The following RSPH3 variants were observed in gnomAD, a reference collection of about 807,000 sequenced individuals.
RSPH3 encodes the protein radial spoke head protein 3 homolog.
In RSPH3, 21 loss-of-function variants were observed where a neutral mutation model predicts 43.8. The observed-to-expected ratio is 0.48, with a 90% confidence interval of 0.34 to 0.69. RSPH3 has a LOEUF of 0.69. RSPH3 is among the 30% of genes least tolerant of loss of function. The probability of loss-of-function intolerance (pLI) is 0.01; values close to 1 mark genes in which losing one functional copy is unlikely to be tolerated. For missense variants in RSPH3, 487 were observed against 516.0 expected (o/e 0.94, Z 0.54); for synonymous variants, 173 against 179.8 (o/e 0.96, Z 0.30).
In RSPH3 at chr6:158,982,580, G is replaced by A. The variant is rs142857859; in HGVS notation, c.601C>T (p.Arg201Trp). 3 of 1,613,500 alleles carry A rather than the reference G, an allele frequency of 1.9e-6. No homozygotes were observed. Among genetic ancestry groups the A allele is most frequent in the South Asian group, 1.1e-5 (1 of 91,034 alleles). ...TCTTCATACTCACGCTGACTGGCCC[G>A]CAGGTTAGCCAGCTCTTCTTCTTCC... ...VMEEEELANLRASQREYEELR... is the reference protein window; with the variant it reads ...VMEEEELANLWASQREYEELR... Residue 201 changes from arginine (R) to tryptophan (W), a missense_variant, in exon 5 of 8, where the codon CGG becomes TGG. By Grantham distance (101) the Arg-to-Trp change is moderately radical. Coordinates refer to ENST00000367069, the MANE Select transcript of RSPH3 (RefSeq NM_031924.8).
chr6:158,999,909 A>C lies in RSPH3; in HGVS notation c.-359T>G, dbSNP rs751551909. The stretch of plus-strand genomic sequence containing the variant: ...TTGACTCCGCCCAGCCGCGCCACCC[A>C]GGTAGGTGCGCCTGCGCTTTGCGAG... On this transcript the variant is annotated 5_prime_UTR_variant, in exon 1 of 8. Coordinates refer to ENST00000367069, the MANE Select transcript of RSPH3 (RefSeq NM_031924.8). 6 of 1,612,900 alleles carry C rather than the reference A, an allele frequency of 3.7e-6. No individual in the cohort carries two copies. The South Asian group carries it at 5.5e-5, about 15-fold the overall frequency.
intron 7 of RSPH3, 24 bp downstream of exon 7, chr6:158,978,236 G>C: frequency 1.6e-6 from 2 of 1,222,120 alleles, no homozygotes; most frequent in Non-Finnish European, 2.4e-6. Context: ...CTTTAGAGAT[G>C]AATTTTTGGA....
intron 3 of RSPH3, 27 bp downstream of exon 3, chr6:158,986,253 C>A (rs2128607927): frequency 6.2e-7 from 1 of 1,608,336 alleles, no homozygotes; most frequent in South Asian, 1.1e-5. Flanking sequence ...ACCAAGAGGA[C>A]ACAATGCCAA....
In RSPH3 at chr6:158,986,315, G is replaced by C. The variant is rs147211320; in HGVS notation, c.311C>G (p.Pro104Arg). ...QEQLRPQTPE[P>R]VEGRKHVDVQ... is the part of the protein sequence containing the mutation. Reference sequence around the variant, plus strand: ...ATCGACATGCTTTCTGCCTTCCACAGGTTCAGGTGTTTGTGGTCTGAGCTG... The same window carrying C: ...ATCGACATGCTTTCTGCCTTCCACACGTTCAGGTGTTTGTGGTCTGAGCTG... The change falls in exon 3 of 8, where the codon CCT becomes CGT. Residue 104 changes from proline to arginine, a missense_variant. Pro to Arg is a moderately radical substitution (Grantham distance 103, BLOSUM62 -2). Coordinates refer to ENST00000367069, the MANE Select transcript of RSPH3 (RefSeq NM_031924.8). The C allele has an allele frequency of 1.1e-4, 172 of 1,614,156 alleles. 1 individual carries two copies. In the African/African-American group the frequency reaches 2.1e-3, roughly 20 times the overall value.
Position 158,989,572 on chromosome 6 carries a change from G to A in RSPH3, c.205-3151C>T, listed in dbSNP as rs1778340882. Among the ~76,000 whole-genome samples, 1 of 152,150 alleles carries A rather than the reference G, an allele frequency of 6.6e-6. No individual in the cohort carries two copies. The highest frequency in any genetic ancestry group is 2.4e-5 in the African/African-American group (1 of 41,436). The stretch of plus-strand genomic sequence containing the variant: ...GCTGCTGAACAGCCACTCTGATTTG[G>A]TGTTTCCTTTGGTTGAGTTATACAG... On this transcript the variant is annotated intron_variant, in intron 2 of 7. Transcript: ENST00000367069. The surrounding 1 kb of genome is among the most constrained non-coding windows in gnomAD (Gnocchi z 4.3).
chr6:158,966,991 A>G, the RSPH3 span, among the ~76,000 whole-genome samples: 1 of 150,224 alleles, frequency 6.7e-6, no homozygotes, highest in African/African-American at 2.4e-5. Context: ...CTTTAGATGC[A>G]TCCATAAGTT....
At chr6:158,972,718 C>T (rs1267465903), downstream of RSPH3, among the ~76,000 whole-genome samples, 1 of 152,134 alleles carries the variant, frequency 6.6e-6, no homozygotes, top group Non-Finnish European at 1.5e-5. Context: ...GTTAAAATTG[C>T]TTAAATGGCA....
chr6:158,967,844 T>C, the RSPH3 span, among the ~76,000 whole-genome samples: 5 of 152,294 alleles, frequency 3.3e-5, no homozygotes, highest in East Asian at 9.6e-4. Flanking sequence ...CTCTTGTAAC[T>C]ATTTTTATCT....
intron 1 of RSPH3, among the ~76,000 whole-genome samples, chr6:158,996,375 C>A (rs1778596625): frequency 6.6e-6 from 1 of 152,264 alleles, no homozygotes; most frequent in South Asian, 2.1e-4. Context: ...GACTAGTATT[C>A]AAATGTTCTC....
At position 158,977,724 on chromosome 6, in the gene RSPH3, G is replaced by C. The variant is rs1171997144; in HGVS notation, c.1071C>G (p.Ala357=). The C allele has an allele frequency of 6.2e-7, 1 of 1,614,134 alleles. No homozygotes were observed. The highest frequency in any genetic ancestry group is 1.1e-5 in the South Asian group (1 of 91,084). ...GPGAMTESLE[A]SEFLEQSMSQ... ...ACATGCTCTGCTCCAGGAATTCAGA[G>C]GCCTCCAGTGACTCTGTCATTGCTC... is the stretch of plus-strand genomic sequence containing the variant. Residue 357 remains alanine, a synonymous_variant, in exon 8 of 8, where the codon GCC becomes GCG. Transcript: ENST00000367069.
At position 158,974,312 on chromosome 6, in the gene RSPH3, T is replaced by C. The variant is rs1419035303; in HGVS notation, c.*3226A>G. Reference sequence around the variant, plus strand: ...TTAAAAGTCATACTGAGGGTCATAGTTGGGGATGTAGCATTTTGCATATCA... The same window carrying C: ...TTAAAAGTCATACTGAGGGTCATAGCTGGGGATGTAGCATTTTGCATATCA... On this transcript the variant is annotated 3_prime_UTR_variant, in exon 8 of 8. Coordinates refer to ENST00000367069, the MANE Select transcript of RSPH3 (RefSeq NM_031924.8). 3 of 152,146 alleles carry C rather than the reference T, an allele frequency of 2.0e-5. No homozygotes were observed. The highest frequency in any genetic ancestry group is 7.2e-5 in the African/African-American group (3 of 41,436). The allele number at this position is 152,146 out of a possible 1,614,324, so 9.4% of individuals were successfully genotyped here.
rs772979290 is a variant in RSPH3 at position 158,978,358 on chromosome 6, G to T, written c.860-12C>A. ...TCCTATCTCAATATCTGTAATAAAA[G>T]AATTCATTGATTTTCATGTATTATC... On this transcript the variant is annotated splice_polypyrimidine_tract_variant and intron_variant, in intron 6 of 7. Coordinates refer to ENST00000367069, the MANE Select transcript of RSPH3 (RefSeq NM_031924.8). 8.6e-6 allele frequency: 11 copies of T among 1,273,800 alleles called. No homozygotes were observed. The highest frequency in any genetic ancestry group is 1.1e-5 in the Non-Finnish European group (10 of 879,284). 78.9% of individuals were successfully genotyped at this position (1,273,800 alleles called of 1,614,324 possible).
intron 1 of RSPH3, among the ~76,000 whole-genome samples, chr6:158,994,815 G>C (rs777598825): frequency 6.6e-6 from 1 of 152,016 alleles, no homozygotes; most frequent in Non-Finnish European, 1.5e-5. Flanking sequence ...ACCAATAACA[G>C]TACTCTATGG....
intron 1 of RSPH3, among the ~76,000 whole-genome samples, chr6:158,997,271 C>CTTTTTTTTT (rs35951023): frequency 0.013 from 1,665 of 128,918 alleles, 25 homozygotes; most frequent in Non-Finnish European, 0.019. Flanking sequence ...CTCCTGAACA[C>CTTTTTTTTT]TTTTTTTTTT....
At chr6:158,994,866 ATATTGAAGCCAC>A (rs1778540459) in intron 1 of RSPH3, among the ~76,000 whole-genome samples, 1 of 152,072 alleles carries the variant, frequency 6.6e-6, no homozygotes, top group African/African-American at 2.4e-5. Context: ...TTTTTTTCAT[ATATTGAAGCCAC>A]TATTGAACAT....
rs182524301 is a variant in RSPH3 at position 158,989,343 on chromosome 6, C to T, written c.205-2922G>A. Reference sequence around the variant, plus strand: ...ATTACAGGCATGAGACACTGCGCCCCGACAGAGATCCTTTATCACTAGATT... The same window carrying T: ...ATTACAGGCATGAGACACTGCGCCCTGACAGAGATCCTTTATCACTAGATT... On this transcript the variant is annotated intron_variant, in intron 2 of 7. Coordinates refer to ENST00000367069, the MANE Select transcript of RSPH3 (RefSeq NM_031924.8). The surrounding 1 kb of genome is among the most constrained non-coding windows in gnomAD (Gnocchi z 4.3). Among the ~76,000 whole-genome samples, 14 of 152,002 alleles carry T rather than the reference C, an allele frequency of 9.2e-5. No individual in the cohort carries two copies. The highest frequency in any genetic ancestry group is 2.2e-4 in the African/African-American group (9 of 41,402).
Position 158,989,939 on chromosome 6 carries a change from G to T in RSPH3, c.205-3518C>A, listed in dbSNP as rs999782932. On this transcript the variant is annotated intron_variant, in intron 2 of 7. Coordinates refer to ENST00000367069, the MANE Select transcript of RSPH3 (RefSeq NM_031924.8). The surrounding 1 kb of genome is among the most constrained non-coding windows in gnomAD (Gnocchi z 4.3). ...AGGCAGACCCACCCTTAATCGGGGT[G>T]GGCACAATCTAATCAACTGCCAGAG... Among the ~76,000 whole-genome samples the T allele has an allele frequency of 1.3e-5, 2 of 152,136 alleles. No homozygotes were observed. The highest frequency in any genetic ancestry group is 6.5e-5 in the Admixed American group (1 of 15,268).
chr6:158,984,303 TAG>T lies in RSPH3; in HGVS notation c.347-498_347-497del, dbSNP rs930167645. On this transcript the variant is annotated intron_variant, in intron 3 of 7. Transcript: ENST00000367069. ...TTTTAAATATTTGGAAGACCATAGA[TAG>T]AGTTAGGCTAGAACATTTACTGAAT... is the stretch of plus-strand genomic sequence containing the variant. 5.0e-4 allele frequency among the ~76,000 whole-genome samples: 75 copies of T among 151,330 alleles called. 1 individual carries two copies. The highest frequency in any genetic ancestry group is 4.4e-3 in the Admixed American group (67 of 15,142).
In RSPH3 at chr6:158,972,892, T is replaced by C. The variant is rs923398729; in HGVS notation, c.*4646A>G. On this transcript the variant is annotated 3_prime_UTR_variant, in exon 8 of 8. Transcript: ENST00000367069. ...AACATCATCTAAATGATCAGTTTAT[T>C]GAATTTTAGTAATGTAAGTTGAGAT... The C allele has an allele frequency of 2.6e-5, 4 of 152,348 alleles. No homozygotes were observed. Among genetic ancestry groups the C allele is most frequent in the African/African-American group, 9.6e-5 (4 of 41,582 alleles). 9.4% of individuals were successfully genotyped at this position (152,348 alleles called of 1,614,324 possible).
Sources: allele counts gnomAD v4.1 joint callset (sites outside exome capture counted in the v4.1 genomes callset), GRCh38; gene constraint gnomAD v4.1.1; non-coding constraint Gnocchi (gnomAD v3.1); transcripts MANE v1.5; gene names NCBI Gene and HGNC (gene_info 2026-07-23, HGNC 2026-07-21).